RTKN2: variants seen among roughly 807,000 people sequenced by gnomAD.
RTKN2 encodes rhotekin-2.
In RTKN2, 69 loss-of-function variants were observed where a neutral mutation model predicts 71.5. That is an observed-to-expected ratio of 0.96 (90% CI 0.79 to 1.18). The LOEUF is 1.18. RTKN2 is among the 50% of genes most tolerant of loss of function. RTKN2 has a pLI of 0.00. For missense variants in RTKN2, 724 were observed against 719.7 expected, an observed-to-expected ratio of 1.01 and a Z score of -0.07; for synonymous variants, 236 against 236.5, an observed-to-expected ratio of 1.00 and a Z score of 0.02.
rs1368782704 is a variant in RTKN2 at position 62,195,654 on chromosome 10, G to C, written c.*2254C>G. On this transcript the variant is annotated 3_prime_UTR_variant, in exon 12 of 12. Coordinates refer to ENST00000373789, the MANE Select transcript of RTKN2 (RefSeq NM_145307.4). The stretch of plus-strand genomic sequence containing the variant: ...AGGAAGGAAGGAAGGAAGGAAGGAA[G>C]GAAGGAAGGAAGGAAGGAAACCAAC... 2 of 765,060 alleles carry C rather than the reference G, an allele frequency of 2.6e-6. No individual in the cohort carries two copies. Among genetic ancestry groups the C allele is most frequent in the African/African-American group, 2.3e-5 (1 of 43,242 alleles). 47.4% of individuals were successfully genotyped at this position (765,060 alleles called of 1,614,324 possible).
At position 62,268,600 on chromosome 10, in the gene RTKN2, G is replaced by C. The variant is rs866465642; in HGVS notation, c.11C>G (p.Pro4Arg). Residue 4 changes from proline (P) to arginine (R), a missense_variant, in exon 1 of 12, where the codon CCG (proline) becomes CGG (arginine). Physicochemically the swap from Pro to Arg is moderately radical, Grantham distance 103. Transcript: ENST00000373789. ...GCGGAGCGCAGGACCCCTCAGGCTC[G>C]GCCCCTCCATCTCCAACGCGAACTG... MEG[P>R]SLRGPALRLA... The C allele has an allele frequency of 1.9e-6, 3 of 1,564,192 alleles. No homozygotes were observed. The highest frequency in any genetic ancestry group is 1.2e-5 in the South Asian group (1 of 84,856).
At chr10:62,206,828 A>C (rs182691093) in intron 9 of RTKN2, among the ~76,000 whole-genome samples, 1 of 152,072 alleles carries the variant, frequency 6.6e-6, no homozygotes. Context: ...TATTTTTATT[A>C]TGTAACAAAT....
chr10:62,266,561 T>C (rs1302748352), intron 1 of RTKN2, among the ~76,000 whole-genome samples: 1 of 144,568 alleles, frequency 6.9e-6, no homozygotes, highest in Non-Finnish European at 1.5e-5. Flanking sequence ...GACCGAATTC[T>C]TAAATTCATG....
At chr10:62,209,836 G>T (rs1245772129) in intron 9 of RTKN2, among the ~76,000 whole-genome samples, 1 of 152,116 alleles carries the variant, frequency 6.6e-6, no homozygotes, top group Admixed American at 6.5e-5. Context: ...TGGTGTATGT[G>T]TACCACATTT....
chr10:62,223,258 T>C lies in RTKN2; in HGVS notation c.761A>G (p.Asn254Ser). ...ESAEDSFKTH[N>S]LSINGNEESS... ...CTTACCATTTCCATTAATAGACAGATTATGGGTCTTGAAACTATCCTCAGC... is the reference window on the plus strand; with the variant it reads ...CTTACCATTTCCATTAATAGACAGACTATGGGTCTTGAAACTATCCTCAGC... Residue 254 changes from asparagine to serine, a missense_variant, in exon 7 of 12, where the codon AAT becomes AGT. Asn to Ser is a conservative substitution (Grantham distance 46). Transcript: ENST00000373789. 6.2e-7 allele frequency: 1 copy of C among 1,604,184 alleles called. No individual in the cohort carries two copies. Among genetic ancestry groups the C allele is most frequent in the Non-Finnish European group, 8.5e-7 (1 of 1,171,210 alleles).
chr10:62,225,664 C>T (rs1383581436), intron 6 of RTKN2, among the ~76,000 whole-genome samples: 1 of 152,120 alleles, frequency 6.6e-6, no homozygotes, highest in Admixed American at 6.6e-5. Context: ...CTTTGTGGTA[C>T]TTACGTTAAA....
rs1006481050 is a variant in RTKN2 at position 62,195,896 on chromosome 10, G to A, written c.*2012C>T. On this transcript the variant is annotated 3_prime_UTR_variant, in exon 12 of 12. Transcript: ENST00000373789. ...GTCCTGTTTCAAAGTTCTACTCTGAGGGCACAACTGCTAGGTAATTTCTGT... is the reference window on the plus strand; with the variant it reads ...GTCCTGTTTCAAAGTTCTACTCTGAAGGCACAACTGCTAGGTAATTTCTGT... The A allele has an allele frequency of 9.1e-5, 90 of 985,044 alleles. No homozygotes were observed. Among genetic ancestry groups the A allele is most frequent in the Non-Finnish European group, 9.4e-5 (78 of 829,780 alleles). The allele number at this position is 985,044 out of a possible 1,614,324, so 61.0% of individuals were successfully genotyped here. A position where few individuals can be genotyped will look rare whatever the true frequency, so the allele number is the denominator to read the frequency against.
chr10:62,246,102 A>C, intron 2 of RTKN2, 45 bp from the exon 3 acceptor site: 1 of 1,259,474 alleles, frequency 7.9e-7, no homozygotes, highest in East Asian at 2.3e-5. Flanking sequence ...TTTTCTAATA[A>C]GCAATTATTT....
chr10:62,208,684 C>T (rs560493557), intron 9 of RTKN2, among the ~76,000 whole-genome samples: 46 of 151,578 alleles, frequency 3.0e-4, no homozygotes, highest in Non-Finnish European at 4.9e-4. Flanking sequence ...AACAAACAAA[C>T]AAAAAAACAA....
intron 2 of RTKN2, among the ~76,000 whole-genome samples, chr10:62,253,775 G>A (rs111419223): frequency 4.4e-4 from 67 of 152,122 alleles, no homozygotes; most frequent in African/African-American, 1.5e-3. Flanking sequence ...TGACTGGCAT[G>A]TGACCAAAAC....
At position 62,193,402 on chromosome 10, in the gene RTKN2, T is replaced by A; in HGVS notation, c.*4506A>T. ...TATTAAACGTGTCAGCATTAGTATT[T>A]TCTCCCATACTCAGATAAAGAAAAA... On this transcript the variant is annotated 3_prime_UTR_variant, in exon 12 of 12. Coordinates refer to ENST00000373789, the MANE Select transcript of RTKN2 (RefSeq NM_145307.4). 1.0e-6 allele frequency: 1 copy of A among 981,794 alleles called. No individual in the cohort carries two copies. The highest frequency in any genetic ancestry group is 1.1e-4 in the East Asian group (1 of 8,804). 60.8% of individuals were successfully genotyped at this position (981,794 alleles called of 1,614,324 possible).
At chr10:62,253,365 A>G (rs1029492789) in intron 2 of RTKN2, among the ~76,000 whole-genome samples, 10 of 152,214 alleles carry the variant, frequency 6.6e-5, no homozygotes, top group Admixed American at 6.5e-4. Flanking sequence ...TACAGAAGAT[A>G]CAAGGATGAA....
In RTKN2 at chr10:62,268,763, G is replaced by T. The variant is rs748834734; in HGVS notation, c.-153C>A. Reference sequence around the variant, plus strand: ...GGCGCAGGAGGAGCCGGGCCGAAGCGCACGCGCAGTGGGCGCGCCTTGCGC... The same window carrying T: ...GGCGCAGGAGGAGCCGGGCCGAAGCTCACGCGCAGTGGGCGCGCCTTGCGC... On this transcript the variant is annotated 5_prime_UTR_variant, in exon 1 of 12. Transcript: ENST00000373789. 76 of 761,020 alleles carry T rather than the reference G, an allele frequency of 1.0e-4. 1 individual carries two copies. Among genetic ancestry groups the T allele is most frequent in the Non-Finnish European group, 1.5e-4 (73 of 482,688 alleles). 47.1% of individuals were successfully genotyped at this position (761,020 alleles called of 1,614,324 possible).
chr10:62,183,938 T>C (rs1403541596), exon 9 of RTKN2: 1 of 162,828 alleles, frequency 6.1e-6, no homozygotes, highest in East Asian at 1.7e-4. Flanking sequence ...AAGCATTTAA[T>C]TCAAGGTTCA....
intron 6 of RTKN2, among the ~76,000 whole-genome samples, chr10:62,235,158 A>G (rs1842229307): frequency 1.3e-5 from 2 of 152,166 alleles, no homozygotes; most frequent in Admixed American, 6.5e-5. Context: ...GTAGTAGGCT[A>G]AAAGAAACTT....
intron 7 of RTKN2, 39 bp from the exon 8 acceptor site, chr10:62,218,340 A>T: frequency 7.5e-7 from 1 of 1,330,918 alleles, no homozygotes; most frequent in Non-Finnish European, 1.1e-6. Flanking sequence ...TCAAGTTATA[A>T]ATATAAGTTT....
intron 10 of RTKN2, among the ~76,000 whole-genome samples, chr10:62,204,063 T>G (rs904496052): frequency 1.3e-5 from 2 of 152,178 alleles, no homozygotes; most frequent in Non-Finnish European, 2.9e-5. Context: ...TAATTTTCCT[T>G]TTTTGGAAAT....
At chr10:62,214,355 A>C (rs1231129393) in intron 9 of RTKN2, among the ~76,000 whole-genome samples, 4 of 152,106 alleles carry the variant, frequency 2.6e-5, no homozygotes, top group African/African-American at 4.8e-5. Flanking sequence ...TATAAGGCTA[A>C]ATCTATACAA....
intron 3 of RTKN2, 62 bp downstream of exon 3, chr10:62,245,937 T>A (rs1416066757): frequency 9.7e-7 from 1 of 1,034,812 alleles, no homozygotes; most frequent in Admixed American, 2.4e-5. Context: ...TAAAACAAAA[T>A]CCACCATGTA....
Sources: gnomAD v4.1 joint callset for allele counts (sites outside exome capture counted in the v4.1 genomes callset) on GRCh38, gnomAD v4.1.1 for gene constraint, MANE v1.5 for transcripts, NCBI Gene and HGNC (gene_info 2026-07-23, HGNC 2026-07-21) for gene names.